The following NT5DC1 variants were observed in gnomAD, a reference collection of about 807,000 sequenced individuals.
NT5DC1 encodes the protein 5'-nucleotidase domain-containing protein 1.
A neutral mutation model predicts 59.4 loss-of-function variants in NT5DC1; 42 were observed. The observed-to-expected ratio is 0.71, with a 90% CI of 0.55 to 0.92. The LOEUF (loss-of-function observed/expected upper bound fraction) is 0.92, where lower values mean the gene tolerates loss of function less well. Ranked by LOEUF, NT5DC1 falls within the 40% of genes least tolerant of loss-of-function variation. The pLI, the probability that NT5DC1 is intolerant of heterozygous loss-of-function variation, is 0.00. For missense variants in NT5DC1, 501 were observed against 537.1 expected (o/e 0.93, Z 0.66); for synonymous variants, 172 against 188.1 (o/e 0.91, Z 0.70).
intron 6 of NT5DC1, among the ~76,000 whole-genome samples, chr6:116,186,215 G>A (rs1000856824): frequency 2.6e-5 from 4 of 151,952 alleles, no homozygotes; most frequent in African/African-American, 9.7e-5. Flanking sequence ...TGTCTAGCTT[G>A]TAGGGTTTCT....
chr6:116,216,950 T>C (rs1237631337), intron 6 of NT5DC1, among the ~76,000 whole-genome samples: 1 of 152,164 alleles, frequency 6.6e-6, no homozygotes, highest in Admixed American at 6.6e-5. Flanking sequence ...TAAATTATAT[T>C]CTGCAATGGA....
intron 6 of NT5DC1, among the ~76,000 whole-genome samples, chr6:116,123,907 T>C (rs959127420): frequency 6.6e-6 from 1 of 152,252 alleles, no homozygotes; most frequent in Non-Finnish European, 1.5e-5. Flanking sequence ...GACTTTGTTA[T>C]GCTCTTATTA....
chr6:116,172,508 G>C (rs1383506883), intron 6 of NT5DC1, among the ~76,000 whole-genome samples: 2 of 151,822 alleles, frequency 1.3e-5, no homozygotes, highest in Non-Finnish European at 2.9e-5. Flanking sequence ...TTTGAGTAGA[G>C]ACAGGGTTTC....
intron 6 of NT5DC1, among the ~76,000 whole-genome samples, chr6:116,162,326 G>A (rs1444612759): frequency 6.6e-6 from 1 of 152,148 alleles, no homozygotes; most frequent in East Asian, 1.9e-4. Flanking sequence ...GAATAGGAGT[G>A]GTGAAAGTGC....
At position 116,186,916 on chromosome 6, in the gene NT5DC1, G is replaced by GTTA. The variant is rs1176517221; in HGVS notation, c.530-34136_530-34134dup. Among the ~76,000 whole-genome samples the GTTA allele has an allele frequency of 2.4e-4, 37 of 152,150 alleles. No individual in the cohort carries two copies. The East Asian group carries it at 3.5e-3, about 14-fold the overall frequency. The stretch of plus-strand genomic sequence containing the variant: ...TTGGATCCATTGCTGGTGAGCTAGT[G>GTTA]TTATCTTTTGGGGGTGTTAACCATG... On this transcript the variant is annotated intron_variant, in intron 6 of 11. Coordinates refer to ENST00000319550, the MANE Select transcript of NT5DC1 (RefSeq NM_152729.3).
intron 6 of NT5DC1, among the ~76,000 whole-genome samples, chr6:116,157,801 T>C (rs893904431): frequency 1.3e-5 from 2 of 152,160 alleles, no homozygotes; most frequent in African/African-American, 4.8e-5. Context: ...AAACTGATAA[T>C]AAGACCACCC....
intron 6 of NT5DC1, among the ~76,000 whole-genome samples, chr6:116,178,102 CGTGCGTGCGTGT>C (rs1290083869): frequency 4.2e-5 from 4 of 94,538 alleles, no homozygotes; most frequent in African/African-American, 1.9e-4. Context: ...CGCGCGCGCG[CGTGCGTGCGTGT>C]GTGTGTGTGT....
intron 6 of NT5DC1, among the ~76,000 whole-genome samples, chr6:116,205,453 T>C (rs2114517069): frequency 7.2e-6 from 1 of 139,024 alleles, no homozygotes; most frequent in South Asian, 2.2e-4. Context: ...GAAAGATAAT[T>C]TCCCTGTTAT....
At chr6:116,149,458 G>A (rs1304429992) in intron 6 of NT5DC1, among the ~76,000 whole-genome samples, 1 of 152,182 alleles carries the variant, frequency 6.6e-6, no homozygotes, top group Non-Finnish European at 1.5e-5. Context: ...AGTACTAAGA[G>A]AACACTAACC....
chr6:116,183,645 TA>T (rs943046741), intron 6 of NT5DC1, among the ~76,000 whole-genome samples: 6 of 151,832 alleles, frequency 4.0e-5, no homozygotes, highest in East Asian at 1.9e-4. Flanking sequence ...TTTATTTTAT[TA>T]TTTTTTTTTT....
chr6:116,108,219 A>T (rs1251903925), intron 2 of NT5DC1, 145 bp from the exon 3 acceptor site: 2 of 624,720 alleles, frequency 3.2e-6, no homozygotes, highest in Non-Finnish European at 2.8e-6. Flanking sequence ...CAGTTCTTAG[A>T]TATTCTTAAT....
intron 6 of NT5DC1, chr6:116,125,450 A>G (rs147612968): frequency 6.2e-7 from 1 of 1,613,920 alleles, no homozygotes; most frequent in African/African-American, 1.3e-5. Flanking sequence ...CCATGAACCA[A>G]GTTCAAGGAT....
chr6:116,145,932 C>G (rs1457199106), intron 6 of NT5DC1, among the ~76,000 whole-genome samples: 1 of 152,160 alleles, frequency 6.6e-6, no homozygotes, highest in Non-Finnish European at 1.5e-5. Flanking sequence ...GTAACTCTTT[C>G]AATTTGGTAT....
At chr6:116,137,889 G>A (rs1472070229) in intron 6 of NT5DC1, among the ~76,000 whole-genome samples, 1 of 152,092 alleles carries the variant, frequency 6.6e-6, no homozygotes, top group Non-Finnish European at 1.5e-5. Flanking sequence ...AGACCAGCCT[G>A]ACCAACATGG....
At chr6:116,123,915 T>A (rs909739354) in intron 6 of NT5DC1, among the ~76,000 whole-genome samples, 1 of 152,240 alleles carries the variant, frequency 6.6e-6, no homozygotes, top group African/African-American at 2.4e-5. Context: ...TATGCTCTTA[T>A]TAAGGTGTTA....
intron 8 of NT5DC1, among the ~76,000 whole-genome samples, chr6:116,223,808 C>A (rs1324103011): frequency 1.3e-5 from 2 of 152,092 alleles, no homozygotes; most frequent in Non-Finnish European, 2.9e-5. Flanking sequence ...CATTTGAGGA[C>A]CATTCAGAAG....
chr6:116,218,835 A>G (rs1052447826), intron 6 of NT5DC1, among the ~76,000 whole-genome samples: 1 of 124,132 alleles, frequency 8.1e-6, no homozygotes, highest in Admixed American at 7.4e-5. Flanking sequence ...TATGATATTC[A>G]TGCAATATAT....
intron 6 of NT5DC1, among the ~76,000 whole-genome samples, chr6:116,171,121 C>T (rs1780595380): frequency 6.6e-6 from 1 of 151,970 alleles, no homozygotes; most frequent in Non-Finnish European, 1.5e-5. Context: ...GCACTTGATC[C>T]ATAGTAGGTG....
At chr6:116,225,631 A>G (rs1781892707) in intron 8 of NT5DC1, among the ~76,000 whole-genome samples, 2 of 152,340 alleles carry the variant, frequency 1.3e-5, no homozygotes, top group South Asian at 4.1e-4. Flanking sequence ...AACAGTTGCC[A>G]TAGAGTGGTG....
Sources: gnomAD v4.1 joint callset for allele counts (sites outside exome capture counted in the v4.1 genomes callset) on GRCh38, gnomAD v4.1.1 for gene constraint, MANE v1.5 for transcripts, NCBI Gene and HGNC (gene_info 2026-07-23, HGNC 2026-07-21) for gene names.